Variants in EXTL2 observed in about 807,000 individuals in gnomAD.
EXTL2 encodes exostosin like glycosyltransferase 2, also known as exostosin-like 2.
A neutral mutation model predicts 30.7 loss-of-function variants in EXTL2; 23 were observed. That is an observed-to-expected ratio of 0.75 (90% CI 0.54 to 1.06). The LOEUF (loss-of-function observed/expected upper bound fraction) is 1.06, where lower values mean the gene tolerates loss of function less well. Among genes scored for constraint, EXTL2 ranks in the 50% least tolerant of loss-of-function variants. The pLI is 0.00. For missense variants in EXTL2, 352 were observed against 396.3 expected (o/e 0.89, Z 0.95); for synonymous variants, 123 against 133.8 (o/e 0.92, Z 0.56).
rs754057251 is a variant in EXTL2 at position 100,872,814 on chromosome 1, C to T, written c.*1128G>A. 1.6e-4 allele frequency: 24 copies of T among 152,152 alleles called. No individual in the cohort carries two copies. The highest frequency in any genetic ancestry group is 1.2e-3 in the East Asian group (6 of 5,164). 9.4% of individuals were successfully genotyped at this position (152,152 alleles called of 1,614,324 possible). ...ACACAGACAATGGGTGAAACACAGACGCTAATTCACATAACAGAGAGTAGG... is the reference window on the plus strand; with the variant it reads ...ACACAGACAATGGGTGAAACACAGATGCTAATTCACATAACAGAGAGTAGG... On this transcript the variant is annotated 3_prime_UTR_variant, in exon 5 of 5. Coordinates refer to ENST00000370114, the MANE Select transcript of EXTL2 (RefSeq NM_001033025.3).
rs761189792 is a variant in EXTL2 at position 100,874,165 on chromosome 1, C to A, written c.770G>T (p.Gly257Val). 1.2e-6 allele frequency: 2 copies of A among 1,612,934 alleles called. No homozygotes were observed. The highest frequency in any genetic ancestry group is 8.5e-7 in the Non-Finnish European group (1 of 1,179,454). Reference protein sequence around the residue: ...AMNFIIAKHIGKTSGIFVKPV... With the variant: ...AMNFIIAKHIVKTSGIFVKPV... ...CTTCACAAATATCCCTGAAGTCTTG[C>A]CAATATGCTTGGCAATGATAAAATT... The change falls in exon 5 of 5, where the codon GGC becomes GTC. Residue 257 changes from glycine (G) to valine (V), a missense_variant. Coordinates refer to ENST00000370114, the MANE Select transcript of EXTL2 (RefSeq NM_001033025.3).
Position 100,873,593 on chromosome 1 carries a change from C to A in EXTL2, c.*349G>T. 1 of 173,914 alleles carries A rather than the reference C, an allele frequency of 5.7e-6. No homozygotes were observed. The highest frequency in any genetic ancestry group is 1.2e-5 in the Non-Finnish European group (1 of 82,068). The allele number at this position is 173,914 out of a possible 1,614,324, so 10.8% of individuals were successfully genotyped here. A position where few individuals can be genotyped will look rare whatever the true frequency, so the allele number is the denominator to read the frequency against. ...CTTTAGTGAAAAAGCAGAGAAATGC[C>A]TCTCTTGAGTTTCTGATCCTAGAAA... is the stretch of plus-strand genomic sequence containing the variant. On this transcript the variant is annotated 3_prime_UTR_variant, in exon 5 of 5. Coordinates refer to ENST00000370114, the MANE Select transcript of EXTL2 (RefSeq NM_001033025.3).
chr1:100,878,813 G>A (rs1311970025), intron 2 of EXTL2, among the ~76,000 whole-genome samples: 2 of 152,024 alleles, frequency 1.3e-5, no homozygotes, highest in Non-Finnish European at 2.9e-5. Context: ...TTTCCAACAG[G>A]AAAATCTGCC....
intron 1 of EXTL2, among the ~76,000 whole-genome samples, chr1:100,889,049 T>G (rs1457457040): frequency 6.6e-6 from 1 of 152,228 alleles, no homozygotes; most frequent in Non-Finnish European, 1.5e-5. Flanking sequence ...GGTTTTCATC[T>G]TTCTATTGAG....
chr1:100,876,754 T>C (rs200356882), intron 4 of EXTL2, 40 bp downstream of exon 4: 99 of 1,462,436 alleles, frequency 6.8e-5, no homozygotes, highest in Admixed American at 2.7e-4. Flanking sequence ...CTAGTCAAGA[T>C]CTTATAAAGA....
At chr1:100,891,064 T>C (rs1224850238) in intron 1 of EXTL2, among the ~76,000 whole-genome samples, 1 of 152,246 alleles carries the variant, frequency 6.6e-6, no homozygotes, top group African/African-American at 2.4e-5. Context: ...GGACTGTAAT[T>C]GTCATGAGTT....
At chr1:100,884,979 A>G (rs1228793056) in intron 2 of EXTL2, among the ~76,000 whole-genome samples, 2 of 152,236 alleles carry the variant, frequency 1.3e-5, no homozygotes, top group African/African-American at 4.8e-5. Context: ...CTAAATGTCA[A>G]TGAATGCCTG....
chr1:100,893,023 T>C (rs1650556137), intron 1 of EXTL2, among the ~76,000 whole-genome samples: 1 of 152,202 alleles, frequency 6.6e-6, no homozygotes, highest in African/African-American at 2.4e-5. Context: ...TCTGCTTTCA[T>C]TTCTCAGAAT....
At chr1:100,886,302 G>T (rs1233617798) in intron 2 of EXTL2, among the ~76,000 whole-genome samples, 1 of 152,210 alleles carries the variant, frequency 6.6e-6, no homozygotes, top group Non-Finnish European at 1.5e-5. Context: ...CATTTAAATA[G>T]AATGATGTTG....
intron 4 of EXTL2, 69 bp downstream of exon 4, chr1:100,876,725 A>G (rs1649146366): frequency 9.8e-7 from 1 of 1,019,846 alleles, no homozygotes; most frequent in Non-Finnish European, 1.5e-6. Flanking sequence ...TATATTAACC[A>G]TGTTGCCGTG....
chr1:100,893,705 CT>C (rs1157212095), intron 1 of EXTL2, among the ~76,000 whole-genome samples: 1 of 152,242 alleles, frequency 6.6e-6, no homozygotes, highest in Non-Finnish European at 1.5e-5. Flanking sequence ...ACGTTTTTCA[CT>C]CATAGAACTT....
intron 4 of EXTL2, among the ~76,000 whole-genome samples, chr1:100,875,387 C>T (rs568045340): frequency 7.2e-5 from 11 of 151,990 alleles, no homozygotes; most frequent in African/African-American, 2.7e-4. Flanking sequence ...TGGGTAAATT[C>T]AATGGGCACA....
chr1:100,882,342 C>T (rs1398883068), intron 2 of EXTL2, among the ~76,000 whole-genome samples: 1 of 152,224 alleles, frequency 6.6e-6, no homozygotes, highest in East Asian at 1.9e-4. Flanking sequence ...GACAGCCCCC[C>T]ATGGCAAAGA....
chr1:100,881,460 TAAG>T (rs757546250), intron 2 of EXTL2, among the ~76,000 whole-genome samples: 31 of 152,366 alleles, frequency 2.0e-4, no homozygotes, highest in Non-Finnish European at 4.0e-4. Context: ...TGGGAAGAAC[TAAG>T]AAGTAAACAT....
chr1:100,883,644 T>C (rs1649741048), intron 2 of EXTL2, among the ~76,000 whole-genome samples: 1 of 152,194 alleles, frequency 6.6e-6, no homozygotes, highest in South Asian at 2.1e-4. Flanking sequence ...TCTTCATTCA[T>C]CAGTTAATGG....
chr1:100,893,691 C>A (rs1357039213), intron 1 of EXTL2, among the ~76,000 whole-genome samples: 1 of 152,166 alleles, frequency 6.6e-6, no homozygotes, highest in Non-Finnish European at 1.5e-5. Flanking sequence ...TGAGGCACAG[C>A]CTGACGTTTT....
chr1:100,882,809 G>A lies in EXTL2; in HGVS notation c.6-4906C>T, dbSNP rs572418012. 1.5e-3 allele frequency among the ~76,000 whole-genome samples: 229 copies of A among 152,294 alleles called. 2 individuals are homozygous for A. Among genetic ancestry groups the A allele is most frequent in the East Asian group, 3.9e-4 (2 of 5,188 alleles). On this transcript the variant is annotated intron_variant, in intron 2 of 4. Coordinates refer to ENST00000370114, the MANE Select transcript of EXTL2 (RefSeq NM_001033025.3). ...ACTGCACTCCTGCCTGGGGAACAGA[G>A]TGAGACTCTCATCTCATAAAAAAAC... is the stretch of plus-strand genomic sequence containing the variant.
chr1:100,879,678 C>T (rs981865589), intron 2 of EXTL2, among the ~76,000 whole-genome samples: 16 of 152,154 alleles, frequency 1.1e-4, no homozygotes, highest in African/African-American at 3.9e-4. Flanking sequence ...AGACTTTTCA[C>T]TGCTAACCAC....
At chr1:100,893,874 T>C (rs953309810) in intron 1 of EXTL2, among the ~76,000 whole-genome samples, 6 of 152,164 alleles carry the variant, frequency 3.9e-5, no homozygotes. Context: ...CTATCATATA[T>C]CTTGGGGGAT....
Sources: gnomAD v4.1 joint callset for allele counts (sites outside exome capture counted in the v4.1 genomes callset) on GRCh38, gnomAD v4.1.1 for gene constraint, MANE v1.5 for transcripts, NCBI Gene and HGNC (gene_info 2026-07-23, HGNC 2026-07-21) for gene names.